The following NEGR1 variants were observed in gnomAD, a reference collection of about 807,000 sequenced individuals.
NEGR1 encodes the protein IgLON family member 4.
NEGR1 carries 10 observed loss-of-function variants against 40.9 expected under a neutral mutation model. That is an observed-to-expected ratio of 0.24 (90% confidence interval 0.15 to 0.42). NEGR1 has a LOEUF of 0.42. Ranked by LOEUF, NEGR1 falls within the 10% of genes least tolerant of loss-of-function variation. NEGR1 has a pLI of 1.00. For synonymous variants in NEGR1, 185 were observed against 166.8 expected (o/e 1.11, Z -0.84); for missense variants, 352 against 438.9 (o/e 0.80, Z 1.77).
At chr1:71,436,242 AGGT>A (rs1232933329) in intron 6 of NEGR1, among the ~76,000 whole-genome samples, 1 of 151,386 alleles carries the variant, frequency 6.6e-6, no homozygotes, top group Non-Finnish European at 1.5e-5. Flanking sequence ...AAAAAAAAAA[AGGT>A]GGGGTATGAA....
intron 1 of NEGR1, among the ~76,000 whole-genome samples, chr1:72,157,350 T>C (rs1303785606): frequency 6.6e-6 from 1 of 152,194 alleles, no homozygotes; most frequent in East Asian, 1.9e-4. Flanking sequence ...AAAGTATTTT[T>C]ATTCATACAT....
intron 6 of NEGR1, among the ~76,000 whole-genome samples, chr1:71,536,709 A>G (rs943702831): frequency 3.3e-5 from 5 of 151,782 alleles, no homozygotes; most frequent in Non-Finnish European, 2.9e-5. Context: ...TTTAGAGTAT[A>G]AATTTATAGA....
intron 1 of NEGR1, among the ~76,000 whole-genome samples, chr1:71,977,821 CAA>C (rs35650252): frequency 6.3e-4 from 77 of 122,824 alleles, no homozygotes; most frequent in African/African-American, 1.9e-3. Flanking sequence ...AAGCGCAAAA[CAA>C]AAAAAAAAAA....
intron 4 of NEGR1, among the ~76,000 whole-genome samples, chr1:71,667,909 C>T (rs1652294813): frequency 6.6e-6 from 1 of 152,102 alleles, no homozygotes; most frequent in Non-Finnish European, 1.5e-5. Flanking sequence ...ATGATTTATG[C>T]ACTGTATACA....
rs11209856 is a variant in NEGR1, at chr1:71,845,734, T to C, written c.410-69437A>G. Among the ~76,000 whole-genome samples the C allele has an allele frequency of 5.0e-4, 39 of 77,686 alleles. No individual in the cohort carries two copies. In the South Asian group the frequency reaches 8.2e-3, roughly 16 times the overall value. 51.0% of individuals were successfully genotyped at this position (77,686 alleles called of 152,430 possible). A position where few individuals can be genotyped will look rare whatever the true frequency, so the allele number is the denominator to read the frequency against. The stretch of plus-strand genomic sequence containing the variant: ...AGAGCCAGATCTATCTATCTATCTA[T>C]CTACCTACCTACCTACCTACCTACA... On this transcript the variant is annotated intron_variant, in intron 2 of 6. Transcript: ENST00000357731.
chr1:71,683,275 C>G (rs1456012245), intron 4 of NEGR1, among the ~76,000 whole-genome samples: 1 of 148,948 alleles, frequency 6.7e-6, no homozygotes, highest in Non-Finnish European at 1.5e-5. Context: ...GGGATCTCCT[C>G]TAGTTTTAAA....
intron 1 of NEGR1, among the ~76,000 whole-genome samples, chr1:72,071,584 A>C (rs1368650854): frequency 6.6e-6 from 1 of 152,092 alleles, no homozygotes; most frequent in Admixed American, 6.6e-5. Flanking sequence ...GCCTGCTACC[A>C]GTGATGAACC....
At chr1:71,524,223 C>T (rs1157065515) in intron 6 of NEGR1, among the ~76,000 whole-genome samples, 1 of 151,212 alleles carries the variant, frequency 6.6e-6, no homozygotes, top group East Asian at 2.0e-4. Flanking sequence ...ATTTATGATT[C>T]TTTCCTGTTA....
chr1:71,771,790 C>T (rs1418229066), intron 3 of NEGR1, among the ~76,000 whole-genome samples: 1 of 145,176 alleles, frequency 6.9e-6, no homozygotes, highest in African/African-American at 2.5e-5. Flanking sequence ...AAGGGGAATT[C>T]TACAGTAGAA....
intron 6 of NEGR1, chr1:71,573,624 A>G (rs1477282159): frequency 2.6e-5 from 4 of 152,218 alleles, no homozygotes; most frequent in Non-Finnish European, 4.4e-5. Flanking sequence ...GATCATGCCA[A>G]TATGAATATT....
intron 4 of NEGR1, among the ~76,000 whole-genome samples, chr1:71,611,473 C>T (rs931786204): frequency 1.3e-5 from 2 of 152,186 alleles, no homozygotes; most frequent in African/African-American, 4.8e-5. Flanking sequence ...AGTAATAGTT[C>T]TCATCTATTG....
intron 6 of NEGR1, among the ~76,000 whole-genome samples, chr1:71,412,815 C>G (rs1380670014): frequency 2.0e-5 from 3 of 151,988 alleles, no homozygotes; most frequent in Non-Finnish European, 4.4e-5. Context: ...TTAAAACTAA[C>G]AGAGAGAATA....
chr1:72,036,355 T>A (rs1646902247), intron 1 of NEGR1, among the ~76,000 whole-genome samples: 1 of 151,702 alleles, frequency 6.6e-6, no homozygotes, highest in African/African-American at 2.4e-5. Flanking sequence ...ACTACAAAGG[T>A]ACAATTAAAA....
chr1:71,991,307 A>T (rs1646448757), intron 1 of NEGR1, among the ~76,000 whole-genome samples: 1 of 152,098 alleles, frequency 6.6e-6, no homozygotes, highest in Admixed American at 6.5e-5. Context: ...TCATATTTTT[A>T]AAATCACATA....
At chr1:71,441,297 G>A (rs555693244) in intron 6 of NEGR1, among the ~76,000 whole-genome samples, 6 of 152,280 alleles carry the variant, frequency 3.9e-5, no homozygotes, top group African/African-American at 1.4e-4. Context: ...GTTGTTATCG[G>A]CCCCAATCTT....
chr1:71,795,537 A>G (rs1279434624), intron 2 of NEGR1, among the ~76,000 whole-genome samples: 1 of 152,168 alleles, frequency 6.6e-6, no homozygotes, highest in African/African-American at 2.4e-5. Context: ...TTGTTTATCC[A>G]TGGAATCTCT....
At chr1:72,131,638 A>G (rs2100313990) in intron 1 of NEGR1, among the ~76,000 whole-genome samples, 1 of 152,342 alleles carries the variant, frequency 6.6e-6, no homozygotes, top group African/African-American at 2.4e-5. Flanking sequence ...GACTGTTTAA[A>G]TCAAGCGTAA....
chr1:71,936,676 G>C (rs1212541247), intron 1 of NEGR1, among the ~76,000 whole-genome samples: 1 of 152,148 alleles, frequency 6.6e-6, no homozygotes, highest in African/African-American at 2.4e-5. Flanking sequence ...ATGAGAGATG[G>C]AATTGGAGAA....
chr1:71,466,949 G>A (rs572096326), intron 6 of NEGR1, among the ~76,000 whole-genome samples: 1 of 152,046 alleles, frequency 6.6e-6, no homozygotes, highest in Non-Finnish European at 1.5e-5. Context: ...AGTATAAATT[G>A]TGGGCTAACC....
Sources: gnomAD v4.1 joint callset for allele counts (sites outside exome capture counted in the v4.1 genomes callset) on GRCh38, gnomAD v4.1.1 for gene constraint, MANE v1.5 for transcripts, NCBI Gene and HGNC (gene_info 2026-07-23, HGNC 2026-07-21) for gene names.